The following PDE11A variants were observed in gnomAD, a reference collection of about 807,000 sequenced individuals.
PDE11A encodes the protein phosphodiesterase 11A, also known as dual 3',5'-cyclic-AMP and -GMP phosphodiesterase 11A.
Under a neutral mutation model 100.5 loss-of-function variants are expected in PDE11A, and 100 were observed. The ratio of observed to expected loss-of-function variants is 1.00; its 90% CI spans 0.85 to 1.18. PDE11A has a LOEUF of 1.18. Ranked by LOEUF, PDE11A falls within the 50% of genes most tolerant of loss-of-function variation. The pLI, the probability that PDE11A is intolerant of heterozygous loss-of-function variation, is 0.00. For missense variants in PDE11A, 1,141 were observed against 1,152.6 expected (o/e 0.99, Z 0.15); for synonymous variants, 381 against 420.8 (o/e 0.91, Z 1.16).
At chr2:177,736,182 A>AGAAG (rs1559166384) in intron 10 of PDE11A, among the ~76,000 whole-genome samples, 3 of 152,146 alleles carry the variant, frequency 2.0e-5, no homozygotes, top group Admixed American at 2.0e-4. Flanking sequence ...CTCTAGAACC[A>AGAAG]GAAGGAAGGA....
At chr2:177,955,242 A>T (rs543972072) in intron 2 of PDE11A, among the ~76,000 whole-genome samples, 2 of 152,294 alleles carry the variant, frequency 1.3e-5, no homozygotes, top group South Asian at 4.2e-4. Flanking sequence ...TATAGCCTGG[A>T]ATGGCTAACT....
intron 9 of PDE11A, among the ~76,000 whole-genome samples, chr2:177,792,310 T>G (rs2105537693): frequency 6.6e-6 from 1 of 152,362 alleles, no homozygotes; most frequent in East Asian, 1.9e-4. Flanking sequence ...TATTGCTGTT[T>G]CTGAAACCAC....
At chr2:177,763,633 C>A (rs964306514) in intron 10 of PDE11A, among the ~76,000 whole-genome samples, 1 of 152,152 alleles carries the variant, frequency 6.6e-6, no homozygotes, top group Admixed American at 6.5e-5. Flanking sequence ...TCTGCCACCC[C>A]GCTGCTGTCC....
chr2:177,884,830 G>C (rs534340823), intron 4 of PDE11A, among the ~76,000 whole-genome samples: 1 of 152,302 alleles, frequency 6.6e-6, no homozygotes, highest in Admixed American at 6.5e-5. Flanking sequence ...GAAAGAGTGA[G>C]AAGGAAGGGC....
intron 1 of PDE11A, among the ~76,000 whole-genome samples, chr2:178,032,480 T>C (rs1199932410): frequency 9.6e-6 from 1 of 103,656 alleles, no homozygotes; most frequent in African/African-American, 3.2e-5. Flanking sequence ...CGAGACCCCA[T>C]CTCAAAAAAA....
chr2:177,767,254 C>T (rs998098759), intron 10 of PDE11A, among the ~76,000 whole-genome samples: 3 of 151,988 alleles, frequency 2.0e-5, no homozygotes, highest in Non-Finnish European at 4.4e-5. Flanking sequence ...CACTTGAACC[C>T]GGGAGGTGGA....
chr2:178,097,449 T>C (rs1398470559), intron 2 of PDE11A, among the ~76,000 whole-genome samples: 1 of 151,974 alleles, frequency 6.6e-6, no homozygotes, highest in East Asian at 1.9e-4. Flanking sequence ...TTCCAAACAC[T>C]CATAAAACCA....
At chr2:177,833,391 T>C (rs1170578832) in intron 6 of PDE11A, among the ~76,000 whole-genome samples, 1 of 152,118 alleles carries the variant, frequency 6.6e-6, no homozygotes, top group Non-Finnish European at 1.5e-5. Flanking sequence ...TGGCCATGAG[T>C]TCATGTACCT....
At chr2:177,880,728 G>C (rs1312116374) in intron 4 of PDE11A, among the ~76,000 whole-genome samples, 1 of 152,092 alleles carries the variant, frequency 6.6e-6, no homozygotes, top group African/African-American at 2.4e-5. Context: ...AGGTTCCTGT[G>C]TCTTTAGAAG....
At chr2:177,958,978 G>A (rs1182702718) in intron 2 of PDE11A, among the ~76,000 whole-genome samples, 4 of 152,186 alleles carry the variant, frequency 2.6e-5, no homozygotes, top group African/African-American at 4.8e-5. Context: ...TAAGGTTGCT[G>A]TTCTCCAGTA....
intron 12 of PDE11A, among the ~76,000 whole-genome samples, chr2:177,721,314 A>G (rs1338216427): frequency 6.6e-6 from 1 of 152,144 alleles, no homozygotes; most frequent in African/African-American, 2.4e-5. Flanking sequence ...GCGTATTTCA[A>G]AGCAAACCTC....
chr2:177,758,754 C>T (rs897755738), intron 10 of PDE11A, among the ~76,000 whole-genome samples: 2 of 152,170 alleles, frequency 1.3e-5, no homozygotes, highest in African/African-American at 4.8e-5. Context: ...GGCCACCCGC[C>T]GGCTGCCTCA....
chr2:177,863,212 A>G (rs917627846), intron 5 of PDE11A, among the ~76,000 whole-genome samples: 3 of 151,954 alleles, frequency 2.0e-5, no homozygotes, highest in Non-Finnish European at 2.9e-5. Context: ...ATATAAGACC[A>G]AAAACTATAA....
At chr2:177,889,441 T>A (rs1482600274) in intron 4 of PDE11A, among the ~76,000 whole-genome samples, 1 of 152,162 alleles carries the variant, frequency 6.6e-6, no homozygotes. Flanking sequence ...AATCCAAGAT[T>A]GCCTTTATTT....
intron 10 of PDE11A, among the ~76,000 whole-genome samples, chr2:177,757,604 T>TA (rs2082107329): frequency 6.6e-6 from 1 of 152,208 alleles, no homozygotes; most frequent in South Asian, 2.1e-4. Context: ...TTAAGCCTCT[T>TA]ATCCCTGGAT....
chr2:177,716,980 C>T (rs957950166), intron 12 of PDE11A, among the ~76,000 whole-genome samples: 1 of 152,156 alleles, frequency 6.6e-6, no homozygotes, highest in Non-Finnish European at 1.5e-5. Context: ...AGAAATCTAG[C>T]ATCTTGGTCT....
At chr2:177,985,371 G>T (rs1314544159) in intron 2 of PDE11A, among the ~76,000 whole-genome samples, 3 of 152,110 alleles carry the variant, frequency 2.0e-5, no homozygotes, top group Non-Finnish European at 4.4e-5. Context: ...CTCATTGAAG[G>T]ATTGACACAA....
intron 10 of PDE11A, among the ~76,000 whole-genome samples, chr2:177,762,256 C>T (rs1423075202): frequency 6.6e-6 from 1 of 152,152 alleles, no homozygotes; most frequent in Non-Finnish European, 1.5e-5. Context: ...GGTCGTAGCT[C>T]TGTGCACACT....
chr2:177,804,112 T>C (rs1332270547), intron 9 of PDE11A, among the ~76,000 whole-genome samples: 1 of 151,354 alleles, frequency 6.6e-6, no homozygotes, highest in Non-Finnish European at 1.5e-5. Context: ...AATAGACAAA[T>C]GAGACTGAAG....
Sources: gnomAD v4.1 joint callset for allele counts (sites outside exome capture counted in the v4.1 genomes callset) on GRCh38, gnomAD v4.1.1 for gene constraint, MANE v1.5 for transcripts, NCBI Gene and HGNC (gene_info 2026-07-23, HGNC 2026-07-21) for gene names.